Variants in ASGR1 observed in about 807,000 individuals in gnomAD.
ASGR1 encodes asialoglycoprotein receptor 1.
ASGR1 carries 35 observed loss-of-function variants against 33.1 expected under a neutral mutation model. The observed-to-expected ratio is 1.06, with a 90% CI of 0.81 to 1.40. ASGR1 has a LOEUF of 1.40. ASGR1 is among the 40% of genes most tolerant of loss of function. ASGR1 has a pLI of 0.00. For missense variants in ASGR1, 396 were observed against 373.7 expected (o/e 1.06, Z -0.49); for synonymous variants, 142 against 152.5 (o/e 0.93, Z 0.51).
In ASGR1 at chr17:7,178,733, CT is replaced by C. The variant is rs1037452405; in HGVS notation, c.-25-146del. The C allele has an allele frequency of 1.4e-3, 269 of 193,102 alleles. 3 individuals carry two copies. The highest frequency in any genetic ancestry group is 7.9e-3 in the African/African-American group (192 of 24,344). 12.0% of individuals were successfully genotyped at this position (193,102 alleles called of 1,614,324 possible). On this transcript the variant is annotated intron_variant, in intron 1 of 8. Coordinates refer to ENST00000269299, the MANE Select transcript of ASGR1 (RefSeq NM_001671.5). The stretch of plus-strand genomic sequence containing the variant: ...TCTTTCTTTTCTTTTTCTTTTTTTT[CT>C]TTTCTTTTTTTTTTTTTTTTTGAGA...
chr17:7,178,446 G>A (rs1325753381), intron 2 of ASGR1, 48 bp downstream of exon 2: 16 of 1,579,384 alleles, frequency 1.0e-5, no homozygotes, highest in Non-Finnish European at 1.4e-5. Context: ...GGGGGGTGGA[G>A]AACCGCCAAA....
In ASGR1 at chr17:7,173,808, C is replaced by A. The variant is rs2069162290; in HGVS notation, c.727G>T (p.Asp243Tyr). Residue 243 changes from aspartate to tyrosine, a missense_variant, in exon 9 of 9, where the codon GAC (aspartate) becomes TAC (tyrosine). Coordinates refer to ENST00000269299, the MANE Select transcript of ASGR1 (RefSeq NM_001671.5). The surrounding 1 kb of genome is among the most constrained non-coding windows in gnomAD (Gnocchi z 4.7). ...CCTCCGAGCCCGTGGCCGTACCAGT[C>A]GTCCGGCTGCTCCGGCCTCCAGTTC... ...FKNWRPEQPD[D>Y]WYGHGLGGGE... 3.1e-6 allele frequency: 5 copies of A among 1,611,346 alleles called. No homozygotes were observed. The highest frequency in any genetic ancestry group is 2.5e-6 in the Non-Finnish European group (3 of 1,179,540).
chr17:7,177,566 T>C (rs1374588733), intron 2 of ASGR1: 1 of 493,524 alleles, frequency 2.0e-6, no homozygotes, highest in Non-Finnish European at 3.6e-6. Context: ...CCCTGAGCTT[T>C]TGCTGACACC....
rs138555448 is a variant in ASGR1 at position 7,176,692 on chromosome 17, TCA to T, written c.355+136_355+137del. On this transcript the variant is annotated intron_variant, in intron 5 of 8. Transcript: ENST00000269299. ...ACCCAAAACACACTCCCCCTCATTC[TCA>T]CACACAGACTCACACACACACACAC... 2.7e-4 allele frequency: 358 copies of T among 1,304,172 alleles called. 1 individual carries two copies. The highest frequency in any genetic ancestry group is 1.1e-3 in the African/African-American group (75 of 66,682). The allele number at this position is 1,304,172 out of a possible 1,614,324, so 80.8% of individuals were successfully genotyped here.
chr17:7,174,977 A>C (rs1046071546), intron 5 of ASGR1, among the ~76,000 whole-genome samples: 9 of 150,090 alleles, frequency 6.0e-5, no homozygotes, highest in Non-Finnish European at 1.3e-4. Flanking sequence ...ACCCTTACAC[A>C]CACATACATA....
chr17:7,173,963 G>A lies in ASGR1; in HGVS notation c.699C>T (p.Phe233=). Residue 233 remains phenylalanine, a splice_region_variant and synonymous_variant, in exon 8 of 9, where the codon TTC becomes TTT. Coordinates refer to ENST00000269299, the MANE Select transcript of ASGR1 (RefSeq NM_001671.5). This position sits in a 1 kb window ranked among gnomAD's most constrained non-coding sequence, Gnocchi z 4.7. ...GCCGAGGGAGGGCGCGCACTCACTT[G>A]AAGCCCGTCTCGTAGTCCGTCCCGT... ...WVDGTDYETG[F]KNWRPEQPDD... 6.2e-7 allele frequency: 1 copy of A among 1,614,184 alleles called. No homozygotes were observed. The highest frequency in any genetic ancestry group is 8.5e-7 in the Non-Finnish European group (1 of 1,179,982).
chr17:7,176,320 A>C (rs1235959996), intron 5 of ASGR1, among the ~76,000 whole-genome samples: 2 of 138,010 alleles, frequency 1.4e-5, no homozygotes, highest in African/African-American at 2.8e-5. Context: ...CTCAGACACA[A>C]ACACCCCTCA....
Position 7,176,816 on chromosome 17 carries a change from A to ACT in ASGR1, c.355+12_355+13dup. 6.2e-7 allele frequency: 1 copy of ACT among 1,607,180 alleles called. No individual in the cohort carries two copies. Among genetic ancestry groups the ACT allele is most frequent in the Non-Finnish European group, 8.5e-7 (1 of 1,178,954 alleles). On this transcript the variant is annotated intron_variant, in intron 5 of 8. Transcript: ENST00000269299. The stretch of plus-strand genomic sequence containing the variant: ...TTCACACACACACACACACACACAC[A>ACT]CTCCCTCTCTGACCTTCACTCAGGT...
chr17:7,178,498 T>C lies in ASGR1; in HGVS notation c.66A>G (p.Arg22=). 6.2e-7 allele frequency: 1 copy of C among 1,614,078 alleles called. No homozygotes were observed. The highest frequency in any genetic ancestry group is 8.5e-7 in the Non-Finnish European group (1 of 1,179,964). The change falls in exon 2 of 9, where the codon AGA becomes AGG. Residue 22 remains arginine (R), a synonymous_variant. Transcript: ENST00000269299. ...DNEESDHHQL[R]KGPPPPQPLL... ...GCAGGGCAAGGTGGCCCTCACCTTT[T>C]CTGAGCTGATGGTGGTCACTCTCCT...
Position 7,174,454 on chromosome 17 carries a change from G to T in ASGR1, c.362C>A (p.Ser121Tyr). 6.2e-7 allele frequency: 1 copy of T among 1,612,948 alleles called. No homozygotes were observed. Residue 121 changes from serine (S) to tyrosine (Y), a missense_variant, in exon 6 of 9, where the codon TCC (serine) becomes TAC (tyrosine). Ser to Tyr is a moderately radical substitution (Grantham distance 144, BLOSUM62 -2). Transcript: ENST00000269299. ...CTGCTTCACGTGGAGCAGCAGGCTGGAGTGATCTGGGGAGACCGGGCGGAG... is the reference window on the plus strand; with the variant it reads ...CTGCTTCACGTGGAGCAGCAGGCTGTAGTGATCTGGGGAGACCGGGCGGAG... ...KQQKDLSEDHSSLLLHVKQFV... is the reference protein window; with the variant it reads ...KQQKDLSEDHYSLLLHVKQFV...
rs1436864322 is a variant in ASGR1, at chr17:7,179,200, T to C, written c.-36A>G. The stretch of plus-strand genomic sequence containing the variant: ...CTCTTCCCATTTTACTTGCTCAGGG[T>C]CTCAGGGTCTGATTCCCAGGTTCTT... On this transcript the variant is annotated 5_prime_UTR_variant, in exon 1 of 9. Transcript: ENST00000269299. 1 of 152,992 alleles carries C rather than the reference T, an allele frequency of 6.5e-6. No homozygotes were observed. Among genetic ancestry groups the C allele is most frequent in the African/African-American group, 2.4e-5 (1 of 41,386 alleles). 9.5% of individuals were successfully genotyped at this position (152,992 alleles called of 1,614,324 possible). A position where few individuals can be genotyped will look rare whatever the true frequency, so the allele number is the denominator to read the frequency against.
intron 5 of ASGR1, among the ~76,000 whole-genome samples, chr17:7,176,074 C>T (rs2069199490): frequency 6.8e-6 from 1 of 146,748 alleles, no homozygotes; most frequent in Non-Finnish European, 1.5e-5. Flanking sequence ...CCATCCACTC[C>T]TTCTCATTCT....
chr17:7,173,651 G>A lies in ASGR1; in HGVS notation c.*8C>T. 6.2e-7 allele frequency: 1 copy of A among 1,612,766 alleles called. No individual in the cohort carries two copies. The highest frequency in any genetic ancestry group is 8.5e-7 in the Non-Finnish European group (1 of 1,180,022). Reference sequence around the variant, plus strand: ...CCCTGCGGCAGGTCGAGGCATTGAAGAAATAAATTAAAGGAGAGGTGGCTC... The same window carrying A: ...CCCTGCGGCAGGTCGAGGCATTGAAAAAATAAATTAAAGGAGAGGTGGCTC... On this transcript the variant is annotated 3_prime_UTR_variant, in exon 9 of 9. Coordinates refer to ENST00000269299, the MANE Select transcript of ASGR1 (RefSeq NM_001671.5). The surrounding 1 kb of genome is among the most constrained non-coding windows in gnomAD (Gnocchi z 4.7).
chr17:7,176,929 C>T (rs775229168), intron 4 of ASGR1, 28 bp from the exon 5 acceptor site: 16 of 1,610,488 alleles, frequency 9.9e-6, no homozygotes, highest in Non-Finnish European at 1.2e-5. Flanking sequence ...TCAGCGTTCC[C>T]GACAGCCCCC....
In ASGR1 at chr17:7,174,392, C is replaced by G; in HGVS notation, c.424G>C (p.Ala142Pro). 1 of 1,613,996 alleles carries G rather than the reference C, an allele frequency of 6.2e-7. No individual in the cohort carries two copies. Among genetic ancestry groups the G allele is most frequent in the Non-Finnish European group, 8.5e-7 (1 of 1,179,958 alleles). Reference sequence around the variant, plus strand: ...TCCTTACCATTGCCCTGGAGCGCCGCCATCTGACAGCTCAGGCTCCGCAGG... The same window carrying G: ...TCCTTACCATTGCCCTGGAGCGCCGGCATCTGACAGCTCAGGCTCCGCAGG... ...SDLRSLSCQM[A>P]ALQGNGSERT... Residue 142 changes from alanine (A) to proline (P), a missense_variant, in exon 6 of 9, where the codon GCG becomes CCG. Transcript: ENST00000269299.
At chr17:7,174,574 GC>G in intron 5 of ASGR1, 114 bp from the exon 6 acceptor site, 1 of 1,053,936 alleles carries the variant, frequency 9.5e-7, no homozygotes, top group Non-Finnish European at 1.4e-6. Context: ...CCGTCGCATT[GC>G]CACAAACAGC....
intron 5 of ASGR1, 56 bp downstream of exon 5, chr17:7,176,772 CCA>C: frequency 6.3e-7 from 1 of 1,579,986 alleles, no homozygotes; most frequent in South Asian, 1.1e-5. Flanking sequence ...TCACACACAT[CCA>C]CACATTCTCA....
At chr17:7,175,193 C>T in intron 5 of ASGR1, among the ~76,000 whole-genome samples, 1 of 149,742 alleles carries the variant, frequency 6.7e-6, no homozygotes, top group Non-Finnish European at 1.5e-5. Context: ...CACACCTTAA[C>T]CCACATACAC....
At chr17:7,175,871 A>T (rs2069195116) in intron 5 of ASGR1, among the ~76,000 whole-genome samples, 1 of 137,716 alleles carries the variant, frequency 7.3e-6, no homozygotes, top group Non-Finnish European at 1.6e-5. Flanking sequence ...CCCACTCCTC[A>T]CACACAGTCT....
Sources: gnomAD v4.1 joint callset for allele counts (sites outside exome capture counted in the v4.1 genomes callset) on GRCh38, gnomAD v4.1.1 for gene constraint, Gnocchi (gnomAD v3.1) non-coding constraint, MANE v1.5 for transcripts, NCBI Gene and HGNC (gene_info 2026-07-23, HGNC 2026-07-21) for gene names.